CFAP61: variants seen among roughly 807,000 people sequenced by gnomAD.
CFAP61 encodes the protein cilia and flagella associated protein 61.
Under a neutral mutation model 135.6 loss-of-function variants are expected in CFAP61, and 107 were observed. That is an observed-to-expected ratio of 0.79 (90% CI 0.67 to 0.93). CFAP61 has a LOEUF of 0.93. CFAP61 is among the 40% of genes least tolerant of loss of function. CFAP61 has a pLI of 0.00. For synonymous variants in CFAP61, 575 were observed against 578.5 expected, an observed-to-expected ratio of 0.99 and a Z score of 0.09; for missense variants, 1,507 against 1,556.2, an observed-to-expected ratio of 0.97 and a Z score of 0.53.
intron 25 of CFAP61, among the ~76,000 whole-genome samples, chr20:20,312,613 TA>T (rs560134674): frequency 0.018 from 2,671 of 150,800 alleles, 73 homozygotes; most frequent in African/African-American, 0.06. Context: ...ATCTCAAGCA[TA>T]AAAAAAAATG....
chr20:20,131,652 C>T (rs992059510), intron 8 of CFAP61, among the ~76,000 whole-genome samples: 3 of 151,408 alleles, frequency 2.0e-5, no homozygotes, highest in African/African-American at 7.3e-5. Context: ...TTTATTAGTT[C>T]CCCTTTTGTA....
chr20:20,120,144 G>C (rs1275919686), intron 8 of CFAP61, among the ~76,000 whole-genome samples: 1 of 152,038 alleles, frequency 6.6e-6, no homozygotes, highest in Non-Finnish European at 1.5e-5. Flanking sequence ...TGAGATTTTT[G>C]CTCCCATCTT....
At chr20:20,056,520 A>T in intron 1 of CFAP61, 98 bp from the exon 2 acceptor site, 1 of 821,632 alleles carries the variant, frequency 1.2e-6, no homozygotes, top group East Asian at 2.5e-5. Context: ...TCACACCAGT[A>T]TTCTCACACC....
chr20:20,293,698 C>T (rs1489979062), intron 24 of CFAP61, among the ~76,000 whole-genome samples: 1 of 152,134 alleles, frequency 6.6e-6, no homozygotes, highest in Non-Finnish European at 1.5e-5. Flanking sequence ...AATTCATGAG[C>T]TCTTTGAGAG....
intron 25 of CFAP61, among the ~76,000 whole-genome samples, chr20:20,330,669 C>T (rs958254325): frequency 5.9e-5 from 9 of 152,088 alleles, no homozygotes; most frequent in Non-Finnish European, 5.9e-5. Flanking sequence ...GCTCAGAAGC[C>T]GCTGGTGGCT....
Position 20,056,685 on chromosome 20 carries a change from T to A in CFAP61, c.32T>A (p.Val11Glu), listed in dbSNP as rs775379052. 6.2e-7 allele frequency: 1 copy of A among 1,614,136 alleles called. No homozygotes were observed. Among genetic ancestry groups the A allele is most frequent in the Non-Finnish European group, 8.5e-7 (1 of 1,179,996 alleles). ...GTACTCACTTCTCCAAGAGGAAAGG[T>A]AGAAGTTGTTCATTGCCGAAGAACA... MSVLTSPRGK[V>E]EVVHCRRTES... is the part of the protein sequence containing the mutation. Residue 11 changes from valine to glutamate, a missense_variant, in exon 2 of 27, where the codon GTA becomes GAA. Physicochemically the swap from Val to Glu is moderately radical, Grantham distance 121. Transcript: ENST00000245957.
intron 26 of CFAP61, among the ~76,000 whole-genome samples, chr20:20,356,569 G>C (rs1298314739): frequency 7.3e-4 from 54 of 73,978 alleles, no homozygotes; most frequent in East Asian, 9.0e-4. Flanking sequence ...GGTGGTCATA[G>C]TGTGAGGGGA....
intron 26 of CFAP61, among the ~76,000 whole-genome samples, chr20:20,356,106 G>A (rs2059137696): frequency 3.4e-5 from 1 of 29,588 alleles, no homozygotes; most frequent in Non-Finnish European, 1.9e-4. Flanking sequence ...GTGAGGGGAG[G>A]TGGTCACACT....
At chr20:20,223,027 G>T (rs1200197343) in intron 17 of CFAP61, among the ~76,000 whole-genome samples, 1 of 152,194 alleles carries the variant, frequency 6.6e-6, no homozygotes, top group African/African-American at 2.4e-5. Context: ...AGCTCCCTTT[G>T]AAGTGTTTGG....
At chr20:20,350,130 CATA>C (rs2058780140) in intron 26 of CFAP61, among the ~76,000 whole-genome samples, 1 of 152,068 alleles carries the variant, frequency 6.6e-6, no homozygotes. Context: ...AAATCAGAAC[CATA>C]ATGAGATACC....
At chr20:20,290,233 A>G in intron 23 of CFAP61, 67 bp from the exon 24 acceptor site, 1 of 1,004,412 alleles carries the variant, frequency 1.0e-6, no homozygotes, top group Non-Finnish European at 1.6e-6. Context: ...CTGTGATGAA[A>G]ATATGAGCTC....
rs2057578535 is a variant in CFAP61, at chr20:20,322,699, C to T, written c.3423-19132C>T. The T allele has an allele frequency of 8.1e-6, 8 of 985,428 alleles. No homozygotes were observed. In the South Asian group the frequency reaches 3.8e-4, roughly 46 times the overall value. 61.0% of individuals were successfully genotyped at this position (985,428 alleles called of 1,614,324 possible). A position where few individuals can be genotyped will look rare whatever the true frequency, so the allele number is the denominator to read the frequency against. On this transcript the variant is annotated intron_variant, in intron 25 of 26. Transcript: ENST00000245957. ...GTTACCAAGAAATGGGAACTACCCT[C>T]AGAGTTCTGGCATCTTCCTTCTGTG... is the stretch of plus-strand genomic sequence containing the variant.
chr20:20,205,174 C>A (rs1315839294), intron 17 of CFAP61, among the ~76,000 whole-genome samples: 3 of 152,156 alleles, frequency 2.0e-5, no homozygotes, highest in Non-Finnish European at 4.4e-5. Context: ...TAATTTTTCG[C>A]TCTTAGAAAG....
rs761444816 is a variant in CFAP61, at chr20:20,298,216, G to A, written c.3252G>A (p.Gly1084=). ...LELVTGSAKN[G]TYFRIHINKY... ...TAGTAACCGGCAGTGCGAAAAATGG[G>A]ACTTACTTCCGAATTCATATTAACA... Residue 1084 remains glycine (G), a synonymous_variant, in exon 25 of 27, where the codon GGG becomes GGA. Transcript: ENST00000245957. 1.1e-5 allele frequency: 18 copies of A among 1,613,940 alleles called. No homozygotes were observed. The highest frequency in any genetic ancestry group is 1.3e-5 in the African/African-American group (1 of 74,892).
intron 17 of CFAP61, among the ~76,000 whole-genome samples, chr20:20,223,439 A>G (rs1263245447): frequency 6.6e-6 from 1 of 152,218 alleles, no homozygotes; most frequent in Non-Finnish European, 1.5e-5. Flanking sequence ...AAGAAATGCT[A>G]TAATAAGAAA....
intron 8 of CFAP61, among the ~76,000 whole-genome samples, chr20:20,120,390 A>G (rs904147396): frequency 5.3e-5 from 8 of 152,006 alleles, no homozygotes; most frequent in South Asian, 2.1e-4. Context: ...TTCTTCATTG[A>G]CTCATTGAAA....
At chr20:20,082,480 A>G (rs1022045280) in intron 6 of CFAP61, among the ~76,000 whole-genome samples, 2 of 152,220 alleles carry the variant, frequency 1.3e-5, no homozygotes, top group African/African-American at 4.8e-5. Flanking sequence ...ACACACCTCT[A>G]AAATCTACAG....
chr20:20,243,320 T>C (rs568979432), intron 18 of CFAP61, among the ~76,000 whole-genome samples: 1 of 152,238 alleles, frequency 6.6e-6, no homozygotes, highest in South Asian at 2.1e-4. Context: ...AGCTACAAGA[T>C]GAGATTTGGG....
chr20:20,089,555 T>C (rs1462950767), intron 6 of CFAP61, among the ~76,000 whole-genome samples: 1 of 137,072 alleles, frequency 7.3e-6, no homozygotes, highest in Admixed American at 7.4e-5. Context: ...AATAACACAA[T>C]GCTGAAACAT....
Sources: allele counts gnomAD v4.1 joint callset (sites outside exome capture counted in the v4.1 genomes callset), GRCh38; gene constraint gnomAD v4.1.1; transcripts MANE v1.5; gene names NCBI Gene and HGNC (gene_info 2026-07-23, HGNC 2026-07-21).